ANKRD44: variants seen among roughly 807,000 people sequenced by gnomAD.
The protein encoded by ANKRD44 is serine/threonine-protein phosphatase 6 regulatory ankyrin repeat subunit B.
Under a neutral mutation model 116.0 loss-of-function variants are expected in ANKRD44, and 35 were observed. The observed-to-expected ratio is 0.30, with a 90% CI of 0.23 to 0.40. The LOEUF (loss-of-function observed/expected upper bound fraction) is 0.40. Among genes scored for constraint, ANKRD44 ranks in the 10% least tolerant of loss-of-function variants. The pLI, the probability that ANKRD44 is intolerant of heterozygous loss-of-function variation, is 1.00. For synonymous variants in ANKRD44, 435 were observed against 461.8 expected (o/e 0.94, Z 0.74); for missense variants, 1,014 against 1,242.6 (o/e 0.82, Z 2.77).
intron 9 of ANKRD44, among the ~76,000 whole-genome samples, chr2:197,104,238 A>G (rs1013570224): frequency 1.3e-5 from 2 of 152,120 alleles, no homozygotes; most frequent in Non-Finnish European, 2.9e-5. Flanking sequence ...CTCCTGCCTC[A>G]GCCTCCCAAG....
chr2:197,029,221 C>A, intron 16 of ANKRD44: 1 of 192,076 alleles, frequency 5.2e-6, no homozygotes, highest in Non-Finnish European at 1.1e-5. Context: ...TGAGTGGGAA[C>A]ATGCGGCATT....
intron 25 of ANKRD44, among the ~76,000 whole-genome samples, chr2:196,996,146 T>A (rs887705015): frequency 6.6e-6 from 1 of 152,242 alleles, no homozygotes; most frequent in Non-Finnish European, 1.5e-5. Flanking sequence ...TGCAGACCAG[T>A]CACATTAGTA....
intron 1 of ANKRD44, among the ~76,000 whole-genome samples, chr2:197,207,752 T>C (rs1282261731): frequency 6.6e-6 from 1 of 152,010 alleles, no homozygotes; most frequent in Non-Finnish European, 1.5e-5. Context: ...TGCCCAGAAA[T>C]GTTATAGAAA....
chr2:197,228,675 C>A (rs2081778170), intron 1 of ANKRD44, among the ~76,000 whole-genome samples: 1 of 152,162 alleles, frequency 6.6e-6, no homozygotes, highest in Admixed American at 6.5e-5. Context: ...CGGCAGGGAT[C>A]CAGCTGATTA....
Position 197,055,598 on chromosome 2 carries a change from A to G in ANKRD44, c.1650+23105T>C, listed in dbSNP as rs1411939977. 8.5e-5 allele frequency among the ~76,000 whole-genome samples: 13 copies of G among 152,336 alleles called. No individual in the cohort carries two copies. In the East Asian group the frequency reaches 1.9e-3, roughly 23 times the overall value. ...CCTTTCACGTATAGATCTGCAATCC[A>G]TCTTGAATTCAGTTTTGTATATGGT... On this transcript the variant is annotated intron_variant, in intron 16 of 27. Coordinates refer to ENST00000282272, the MANE Select transcript of ANKRD44 (RefSeq NM_001195144.2).
At chr2:197,254,402 A>G (rs2376297) in intron 1 of ANKRD44, among the ~76,000 whole-genome samples, 1 of 152,018 alleles carries the variant, frequency 6.6e-6, no homozygotes, top group South Asian at 2.1e-4. Context: ...ACAACAACAA[A>G]AAAAACTTCC....
At chr2:197,157,059 C>T (rs887813324) in intron 2 of ANKRD44, among the ~76,000 whole-genome samples, 17 of 152,188 alleles carry the variant, frequency 1.1e-4, no homozygotes, top group South Asian at 6.2e-4. Flanking sequence ...GTCAAAACTT[C>T]GCAAACTGTA....
chr2:197,022,062 G>A (rs2076507582), intron 17 of ANKRD44, among the ~76,000 whole-genome samples: 1 of 152,160 alleles, frequency 6.6e-6, no homozygotes, highest in Non-Finnish European at 1.5e-5. Flanking sequence ...AGTAACTCAA[G>A]GCAGGTCAGG....
intron 1 of ANKRD44, among the ~76,000 whole-genome samples, chr2:197,239,365 G>A (rs1401065888): frequency 6.6e-6 from 1 of 152,158 alleles, no homozygotes; most frequent in East Asian, 1.9e-4. Context: ...CCAAGTAGCT[G>A]GGACTACAGG....
intron 2 of ANKRD44, among the ~76,000 whole-genome samples, chr2:197,153,764 A>G (rs2579383): frequency 0.92 from 140,815 of 152,248 alleles, 66,051 homozygotes; most frequent in East Asian, 1. Context: ...ACTTTTAGGG[A>G]TAAAAGTGCC....
At chr2:197,048,345 C>G (rs918716915) in intron 16 of ANKRD44, among the ~76,000 whole-genome samples, 1 of 152,124 alleles carries the variant, frequency 6.6e-6, no homozygotes, top group Non-Finnish European at 1.5e-5. Context: ...CCCCTGCCCC[C>G]CACTCCCTGA....
intron 1 of ANKRD44, among the ~76,000 whole-genome samples, chr2:197,222,677 T>A (rs1048437617): frequency 1.3e-5 from 2 of 152,228 alleles, no homozygotes; most frequent in Non-Finnish European, 2.9e-5. Context: ...CAGGTTTCTT[T>A]AGGCAATCCG....
chr2:197,064,304 C>A (rs192407762), intron 16 of ANKRD44, among the ~76,000 whole-genome samples: 30 of 152,198 alleles, frequency 2.0e-4, no homozygotes, highest in African/African-American at 6.0e-4. Context: ...GAAGGAAGCA[C>A]TAAACATGGA....
intron 1 of ANKRD44, among the ~76,000 whole-genome samples, chr2:197,214,980 T>C (rs2081412657): frequency 6.6e-6 from 1 of 152,092 alleles, no homozygotes; most frequent in Non-Finnish European, 1.5e-5. Flanking sequence ...AGGGTTCAAG[T>C]GATTCTCATG....
In ANKRD44 at chr2:197,078,759, C is replaced by T. The variant is rs1402981318; in HGVS notation, c.1594G>A (p.Gly532Ser). Residue 532 changes from glycine to serine, a missense_variant, in exon 16 of 28, where the codon GGT (glycine) becomes AGT (serine). Gly to Ser is a moderately conservative substitution (Grantham distance 56). Transcript: ENST00000282272. ...DANPSIRDKE[G>S]YNSIHYAAAY... ...GCAGCATAATGTATGCTATTGTAAC[C>T]TTCCTTGTCCCGGATAGATGGATTT... The T allele has an allele frequency of 1.2e-6, 2 of 1,612,844 alleles. No individual in the cohort carries two copies. Among genetic ancestry groups the T allele is most frequent in the Admixed American group, 1.7e-5 (1 of 59,922 alleles).
At chr2:197,044,376 G>T (rs1464903083) in intron 16 of ANKRD44, among the ~76,000 whole-genome samples, 6 of 151,890 alleles carry the variant, frequency 4.0e-5, no homozygotes, top group Non-Finnish European at 1.5e-5. Flanking sequence ...AATTTTTTTT[G>T]TTGTTGTTGA....
chr2:197,052,339 G>C (rs913140215), intron 16 of ANKRD44, among the ~76,000 whole-genome samples: 2 of 152,142 alleles, frequency 1.3e-5, no homozygotes, highest in Admixed American at 6.5e-5. Context: ...ATCTCTTCTT[G>C]TTGGGGAAGT....
chr2:197,137,739 A>G (rs2079255228), intron 3 of ANKRD44, among the ~76,000 whole-genome samples: 1 of 152,222 alleles, frequency 6.6e-6, no homozygotes, highest in African/African-American at 2.4e-5. Context: ...CATTGGTTTC[A>G]GATGGAGTCA....
At chr2:197,054,567 G>C (rs2077169668) in intron 16 of ANKRD44, among the ~76,000 whole-genome samples, 1 of 152,216 alleles carries the variant, frequency 6.6e-6, no homozygotes, top group South Asian at 2.1e-4. Flanking sequence ...CACTCAGCTA[G>C]TGAGGCTGTC....
Sources: allele counts gnomAD v4.1 joint callset (sites outside exome capture counted in the v4.1 genomes callset), GRCh38; gene constraint gnomAD v4.1.1; transcripts MANE v1.5; gene names NCBI Gene and HGNC (gene_info 2026-07-23, HGNC 2026-07-21).